PLOD3: variants seen among roughly 807,000 people sequenced by gnomAD.
PLOD3 encodes procollagen-lysine,2-oxoglutarate 5-dioxygenase 3, also known as multifunctional procollagen lysine hydroxylase and glycosyltransferase LH3.
In PLOD3, 73 loss-of-function variants were observed where a neutral mutation model predicts 96.9. The ratio of observed to expected loss-of-function variants is 0.75; its 90% CI spans 0.62 to 0.92. The LOEUF is 0.92. PLOD3 is among the 40% of genes least tolerant of loss of function. PLOD3 has a pLI of 0.00. For missense variants in PLOD3, 1,004 were observed against 1,004.3 expected, an observed-to-expected ratio of 1.00 and a Z score of 0.00; for synonymous variants, 454 against 413.7, an observed-to-expected ratio of 1.10 and a Z score of -1.18.
intron 6 of PLOD3, chr7:101,213,590 C>G (rs1468456741): frequency 8.8e-6 from 2 of 228,262 alleles, no homozygotes; most frequent in Non-Finnish European, 1.8e-5. Context: ...GGTCTCGGCT[C>G]ACTGCAACCT....
intron 2 of PLOD3, 42 bp downstream of exon 2, chr7:101,216,653 T>C: frequency 2.5e-6 from 4 of 1,604,872 alleles, no homozygotes; most frequent in Non-Finnish European, 3.4e-6. Context: ...AGCCCACCCC[T>C]CCTGCTGGGA....
Position 101,211,568 on chromosome 7 carries a change from G to A in PLOD3, c.1358+23C>T, listed in dbSNP as rs992479920. ...GGGCCCCGGGTCGGAGGAGGCGGGG[G>A]GCTGCAGGCTGGCGGGACTCACACT... On this transcript the variant is annotated intron_variant, in intron 12 of 18. Coordinates refer to ENST00000223127, the MANE Select transcript of PLOD3 (RefSeq NM_001084.5). 4 of 1,595,514 alleles carry A rather than the reference G, an allele frequency of 2.5e-6. No homozygotes were observed. The African/African-American group carries it at 4.0e-5, about 16-fold the overall frequency.
At position 101,212,543 on chromosome 7, in the gene PLOD3, A is replaced by G. The variant is rs755459809; in HGVS notation, c.992T>C (p.Phe331Ser). Reference protein sequence around the residue: ...LDYPPDRVTLFLHNNEVFHEP... With the variant: ...LDYPPDRVTLSLHNNEVFHEP... ...GGGGAGTCTCACGTTGTTGTGCAGG[A>G]AAAGGGTGACCCTGTCGGGGGGATA... The change falls in exon 9 of 19, where the codon TTC becomes TCC. Residue 331 changes from phenylalanine (F) to serine (S), a missense_variant. Coordinates refer to ENST00000223127, the MANE Select transcript of PLOD3 (RefSeq NM_001084.5). 43 of 1,613,414 alleles carry G rather than the reference A, an allele frequency of 2.7e-5. No homozygotes were observed. Among genetic ancestry groups the G allele is most frequent in the Non-Finnish European group, 3.6e-5 (42 of 1,179,688 alleles).
intron 5 of PLOD3, among the ~76,000 whole-genome samples, chr7:101,215,603 T>G (rs1798256660): frequency 6.6e-6 from 1 of 152,114 alleles, no homozygotes; most frequent in Non-Finnish European, 1.5e-5. Context: ...CAAGTGATGG[T>G]CCCACCTCAG....
chr7:101,211,937 G>A lies in PLOD3; in HGVS notation c.1141C>T (p.Gln381Ter), dbSNP rs1401277634. 2 of 1,604,708 alleles carry A rather than the reference G, an allele frequency of 1.2e-6. No individual in the cohort carries two copies. Among genetic ancestry groups the A allele is most frequent in the African/African-American group, 1.3e-5 (1 of 74,912 alleles). ...ARDMAMDLCR[Q>*]DPECEFYFSL... ...AAGTAGAACTCACACTCGGGGTCCT[G>A]CCGACACAGGTCCCTGGAGGTGAGA... The change falls in exon 11 of 19, where the codon CAG (glutamine) becomes TAG (stop). Residue 381 changes from glutamine (Q) to a stop codon, truncating the protein, a stop_gained. Transcript: ENST00000223127. LOFTEE classifies it high-confidence loss of function.
At chr7:101,210,007 T>C (rs1798155894) in intron 15 of PLOD3, 86 bp downstream of exon 15, 2 of 663,824 alleles carry the variant, frequency 3.0e-6, no homozygotes, top group Admixed American at 2.7e-5. Context: ...GGGAACTCAG[T>C]GTGAAAACTT....
chr7:101,210,861 C>T, intron 12 of PLOD3, 188 bp from the exon 13 acceptor site: 1 of 611,146 alleles, frequency 1.6e-6, no homozygotes, highest in Non-Finnish European at 2.9e-6. Flanking sequence ...CTACCCCAAG[C>T]TGTGGCACTT....
At chr7:101,215,744 C>A (rs1013568523) in intron 5 of PLOD3, among the ~76,000 whole-genome samples, 164 bp downstream of exon 5, 1 of 152,156 alleles carries the variant, frequency 6.6e-6, no homozygotes, top group Non-Finnish European at 1.5e-5. Flanking sequence ...TCAAGCAATC[C>A]TCCTGCCTAA....
intron 16 of PLOD3, 51 bp downstream of exon 16, chr7:101,208,802 C>G (rs760483794): frequency 8.4e-7 from 1 of 1,197,218 alleles, no homozygotes; most frequent in Non-Finnish European, 1.2e-6. Context: ...TTACCAGATC[C>G]TGCACCTCCT....
intron 18 of PLOD3, 55 bp downstream of exon 18, chr7:101,206,724 G>T: frequency 6.5e-7 from 1 of 1,544,520 alleles, no homozygotes. Flanking sequence ...GGCTCTAGGT[G>T]GGGACCCGAG....
rs1441627968 is a variant in PLOD3, at chr7:101,208,879, C to A, written c.1762G>T (p.Gly588Cys). The change falls in exon 16 of 19, where the codon GGC becomes TGC. Residue 588 changes from glycine to cysteine, a missense_variant. Gly to Cys is a radical substitution (Grantham distance 159). Transcript: ENST00000223127. ...DELVAEMEHY[G>C]QWSGGRHEDS... Reference sequence around the variant, plus strand: ...TCATGCCGGCCGCCTGACCACTGGCCGTAGTGCTCCATCTCTGCCACCAGC... The same window carrying A: ...TCATGCCGGCCGCCTGACCACTGGCAGTAGTGCTCCATCTCTGCCACCAGC... The A allele has an allele frequency of 6.2e-7, 1 of 1,613,670 alleles. No homozygotes were observed.
rs1340362825 is a variant in PLOD3 at position 101,211,900 on chromosome 7, G to C, written c.1178C>G (p.Ala393Gly). 6.2e-7 allele frequency: 1 copy of C among 1,612,270 alleles called. No individual in the cohort carries two copies. Among genetic ancestry groups the C allele is most frequent in the Non-Finnish European group, 8.5e-7 (1 of 1,179,380 alleles). Residue 393 changes from alanine (A) to glycine (G), a missense_variant, in exon 11 of 19, where the codon GCC (alanine) becomes GGC (glycine). Transcript: ENST00000223127. ...CTGCAGGTTGGTGAGGACAGCGTCG[G>C]CGTCCAGGCTGAAGTAGAACTCACA... ...PECEFYFSLDADAVLTNLQTL... is the reference protein window; with the variant it reads ...PECEFYFSLDGDAVLTNLQTL...
intron 14 of PLOD3, 28 bp from the exon 15 acceptor site, chr7:101,210,189 T>C (rs1256289110): frequency 6.5e-7 from 1 of 1,541,540 alleles, no homozygotes; most frequent in Admixed American, 1.8e-5. Flanking sequence ...GCACATCAGA[T>C]CTGTGCCCCC....
chr7:101,209,473 G>A (rs180708543), intron 15 of PLOD3, among the ~76,000 whole-genome samples: 2 of 151,704 alleles, frequency 1.3e-5, no homozygotes, highest in African/African-American at 4.8e-5. Context: ...TGCCTCCCAG[G>A]TTCAAGCGAT....
intron 17 of PLOD3, 38 bp from the exon 18 acceptor site, chr7:101,206,942 CGGGCGCAGGG>C: frequency 6.5e-7 from 1 of 1,549,610 alleles, no homozygotes; most frequent in East Asian, 2.4e-5. Flanking sequence ...GGGACAGCTG[CGGGCGCAGGG>C]GGTCTTTTAT....
intron 17 of PLOD3, among the ~76,000 whole-genome samples, chr7:101,207,338 G>A (rs1387401119): frequency 6.6e-6 from 1 of 152,094 alleles, no homozygotes; most frequent in Non-Finnish European, 1.5e-5. Flanking sequence ...AGGGGCGGCG[G>A]GACCCCTGCG....
At chr7:101,207,016 G>A (rs1045030407) in intron 17 of PLOD3, 112 bp from the exon 18 acceptor site, 3 of 1,265,408 alleles carry the variant, frequency 2.4e-6, no homozygotes, top group African/African-American at 3.0e-5. Flanking sequence ...TCAGGCTGGA[G>A]TGCAGTGGTG....
In PLOD3 at chr7:101,206,796, T is replaced by C; in HGVS notation, c.2044A>G (p.Lys682Glu). The C allele has an allele frequency of 1.3e-6, 2 of 1,583,974 alleles. No homozygotes were observed. Among genetic ancestry groups the C allele is most frequent in the South Asian group, 1.2e-5 (1 of 86,596 alleles). ...TFTLNVALNH[K>E]GLDYEGGGCR... is the part of the protein sequence containing the mutation. ...GGGCGCACCTCATAGTCCAGGCCCT[T>C]GTGGTTGAGGGCAACGTTGAGGGTG... The change falls in exon 18 of 19, where the codon AAG becomes GAG. Residue 682 changes from lysine (K) to glutamate (E), a missense_variant. By Grantham distance (56) the Lys-to-Glu change is moderately conservative. Transcript: ENST00000223127.
In PLOD3 at chr7:101,211,732, G is replaced by A. The variant is rs1213571975; in HGVS notation, c.1233-16C>T. On this transcript the variant is annotated splice_polypyrimidine_tract_variant and intron_variant, in intron 11 of 18. Coordinates refer to ENST00000223127, the MANE Select transcript of PLOD3 (RefSeq NM_001084.5). ...GATCACCTTCCTGCGGACAGGTGGG[G>A]GTGAGGGCTGGGCAGACGGGAGCAG... The A allele has an allele frequency of 6.3e-7, 1 of 1,599,956 alleles. No individual in the cohort carries two copies. The highest frequency in any genetic ancestry group is 1.1e-5 in the South Asian group (1 of 89,108).
Sources: gnomAD v4.1 joint callset for allele counts (sites outside exome capture counted in the v4.1 genomes callset) on GRCh38, gnomAD v4.1.1 for gene constraint, MANE v1.5 for transcripts, NCBI Gene and HGNC (gene_info 2026-07-23, HGNC 2026-07-21) for gene names.